The following SLC25A42 variants were observed in gnomAD, a reference collection of about 807,000 sequenced individuals.
The protein encoded by SLC25A42 is mitochondrial coenzyme A transporter SLC25A42.
A neutral mutation model predicts 34.7 loss-of-function variants in SLC25A42; 19 were observed. The observed-to-expected ratio is 0.55, with a 90% CI of 0.38 to 0.80. SLC25A42 has a LOEUF of 0.80. Among genes scored for constraint, SLC25A42 ranks in the 30% least tolerant of loss-of-function variants. SLC25A42 has a pLI of 0.00. For missense variants in SLC25A42, 364 were observed against 441.3 expected (o/e 0.82, Z 1.57); for synonymous variants, 205 against 191.2 (o/e 1.07, Z -0.59).
rs2059588355 is a variant in SLC25A42 at position 19,064,134 on chromosome 19, C to G, written c.-35+19C>G. ...AACTGAGGTGAGGCACGGGTCCTGT[C>G]ATGGATCCCGGGGCGAGGGGCGGAT... On this transcript the variant is annotated intron_variant, in intron 1 of 7. Coordinates refer to ENST00000318596, the MANE Select transcript of SLC25A42 (RefSeq NM_178526.5). The G allele has an allele frequency of 1.3e-5, 2 of 152,610 alleles. No individual in the cohort carries two copies. The highest frequency in any genetic ancestry group is 4.8e-5 in the African/African-American group (2 of 41,536). 9.5% of individuals were successfully genotyped at this position (152,610 alleles called of 1,614,324 possible). A position where few individuals can be genotyped will look rare whatever the true frequency, so the allele number is the denominator to read the frequency against.
rs185569301 is a variant in SLC25A42 at position 19,098,211 on chromosome 19, T to A, written c.81+2006T>A. Reference sequence around the variant, plus strand: ...ATCAGCCAGAGGCAGCAGCCTCCACTGAGCATGTGAACTGGCCCCAACACA... The same window carrying A: ...ATCAGCCAGAGGCAGCAGCCTCCACAGAGCATGTGAACTGGCCCCAACACA... On this transcript the variant is annotated intron_variant, in intron 2 of 7. Coordinates refer to ENST00000318596, the MANE Select transcript of SLC25A42 (RefSeq NM_178526.5). Among the ~76,000 whole-genome samples the A allele has an allele frequency of 1.2e-4, 19 of 152,310 alleles. No individual in the cohort carries two copies. The East Asian group carries it at 3.5e-3, about 28-fold the overall frequency.
At chr19:19,106,146 C>T in intron 5 of SLC25A42, 123 bp from the exon 6 acceptor site, 1 of 793,746 alleles carries the variant, frequency 1.3e-6, no homozygotes, top group Admixed American at 2.3e-5. Context: ...AAACCCGCCT[C>T]GTGTTCCTCG....
At chr19:19,096,375 G>A (rs2059765778) in intron 2 of SLC25A42, among the ~76,000 whole-genome samples, 170 bp downstream of exon 2, 1 of 151,876 alleles carries the variant, frequency 6.6e-6, no homozygotes, top group Admixed American at 6.6e-5. Flanking sequence ...CTGTACCTAG[G>A]ATGTGCATGT....
At chr19:19,076,497 C>T (rs1008863393) in intron 1 of SLC25A42, among the ~76,000 whole-genome samples, 6 of 151,888 alleles carry the variant, frequency 4.0e-5, no homozygotes, top group Non-Finnish European at 7.4e-5. Context: ...CAGGTGTTCT[C>T]CACAGGTTGG....
In SLC25A42 at chr19:19,111,570, GC is replaced by G. The variant is rs2059865290; in HGVS notation, c.*697del. 2 of 153,156 alleles carry G rather than the reference GC, an allele frequency of 1.3e-5. No homozygotes were observed. The highest frequency in any genetic ancestry group is 1.3e-4 in the Admixed American group (2 of 15,334). 9.5% of individuals were successfully genotyped at this position (153,156 alleles called of 1,614,324 possible). ...TCTCCCCCTAGAGTTGCCTGCCCATGCCCACCTGCTTTGTAACCTTCCCAGG... is the reference window on the plus strand; with the variant it reads ...TCTCCCCCTAGAGTTGCCTGCCCATGCCACCTGCTTTGTAACCTTCCCAGG... On this transcript the variant is annotated 3_prime_UTR_variant, in exon 8 of 8. Coordinates refer to ENST00000318596, the MANE Select transcript of SLC25A42 (RefSeq NM_178526.5).
intron 7 of SLC25A42, among the ~76,000 whole-genome samples, chr19:19,108,861 C>T (rs576834745): frequency 7.2e-5 from 11 of 151,976 alleles, no homozygotes; most frequent in East Asian, 1.9e-4. Context: ...TGGGCTCAAG[C>T]GATCCTCCTG....
chr19:19,105,265 GC>G (rs1362386617), intron 4 of SLC25A42: 8 of 573,688 alleles, frequency 1.4e-5, no homozygotes, highest in Admixed American at 3.1e-5. Flanking sequence ...CAACAGACAT[GC>G]CCTTGGGCAG....
In SLC25A42 at chr19:19,086,001, G is replaced by A. The variant is rs373205500; in HGVS notation, c.-34-10090G>A. Among the ~76,000 whole-genome samples, 18 of 152,322 alleles carry A rather than the reference G, an allele frequency of 1.2e-4. No individual in the cohort carries two copies. In the East Asian group the frequency reaches 1.3e-3, roughly 11 times the overall value. On this transcript the variant is annotated intron_variant, in intron 1 of 7. Coordinates refer to ENST00000318596, the MANE Select transcript of SLC25A42 (RefSeq NM_178526.5). ...GGCTTAGAGTCACCCTCCACAGTACGCCTTGGGACCATGTGCCGTGGAGGA... is the reference window on the plus strand; with the variant it reads ...GGCTTAGAGTCACCCTCCACAGTACACCTTGGGACCATGTGCCGTGGAGGA...
intron 1 of SLC25A42, among the ~76,000 whole-genome samples, chr19:19,080,657 G>A (rs1359450222): frequency 2.6e-5 from 4 of 151,744 alleles, no homozygotes; most frequent in African/African-American, 7.3e-5. Flanking sequence ...TGGTGGTGGT[G>A]CATGCCTGTA....
intron 1 of SLC25A42, among the ~76,000 whole-genome samples, chr19:19,090,931 C>G (rs2059735059): frequency 6.6e-6 from 1 of 152,230 alleles, no homozygotes. Context: ...TCACTGTGGT[C>G]CCCGGGGTCC....
intron 7 of SLC25A42, among the ~76,000 whole-genome samples, chr19:19,108,317 G>A (rs370984559): frequency 2.6e-5 from 4 of 152,194 alleles, no homozygotes; most frequent in East Asian, 3.9e-4. Context: ...TTGGGAGGCC[G>A]AGGTGGGCGG....
chr19:19,074,723 ATG>A (rs35554466), intron 1 of SLC25A42, among the ~76,000 whole-genome samples: 2,939 of 150,646 alleles, frequency 0.02, 44 homozygotes, highest in Non-Finnish European at 0.027. Context: ...GCGTGCGTGT[ATG>A]TGTGTGTGTG....
At chr19:19,073,058 C>G (rs540474722) in intron 1 of SLC25A42, among the ~76,000 whole-genome samples, 29 of 152,194 alleles carry the variant, frequency 1.9e-4, no homozygotes, top group Non-Finnish European at 2.6e-4. Context: ...CCCATCATCC[C>G]ACAACACAGT....
chr19:19,075,806 C>A (rs1242725797), intron 1 of SLC25A42, among the ~76,000 whole-genome samples: 5 of 152,218 alleles, frequency 3.3e-5, no homozygotes, highest in Non-Finnish European at 7.3e-5. Flanking sequence ...CACCTCCTGG[C>A]CTTGCTCTGC....
At chr19:19,066,873 C>A (rs1348536467) in intron 1 of SLC25A42, among the ~76,000 whole-genome samples, 1 of 152,142 alleles carries the variant, frequency 6.6e-6, no homozygotes, top group Admixed American at 6.5e-5. Context: ...TCAGACCCCC[C>A]TGTCTTGCTG....
chr19:19,090,638 C>T (rs770765759), intron 1 of SLC25A42, among the ~76,000 whole-genome samples: 3 of 151,620 alleles, frequency 2.0e-5, no homozygotes, highest in African/African-American at 7.3e-5. Context: ...TGGGTGAGAC[C>T]CCGTCTCAAA....
chr19:19,087,272 C>G (rs1369345525), intron 1 of SLC25A42, among the ~76,000 whole-genome samples: 1 of 152,000 alleles, frequency 6.6e-6, no homozygotes, highest in Non-Finnish European at 1.5e-5. Flanking sequence ...TCTGAATTGT[C>G]ACAGATGTCA....
intron 5 of SLC25A42, 34 bp downstream of exon 5, chr19:19,105,761 C>T (rs759718694): frequency 1.4e-6 from 2 of 1,470,582 alleles, no homozygotes; most frequent in Non-Finnish European, 1.8e-6. Flanking sequence ...ACAGAATCGC[C>T]CCGCCCACGC....
At chr19:19,104,706 G>C (rs1003335935) in intron 3 of SLC25A42, among the ~76,000 whole-genome samples, 3 of 152,194 alleles carry the variant, frequency 2.0e-5, no homozygotes, top group African/African-American at 7.2e-5. Flanking sequence ...GCAGGGTGCT[G>C]AGTGTCAACC....
Sources: allele counts gnomAD v4.1 joint callset (sites outside exome capture counted in the v4.1 genomes callset), GRCh38; gene constraint gnomAD v4.1.1; transcripts MANE v1.5; gene names NCBI Gene and HGNC (gene_info 2026-07-23, HGNC 2026-07-21).